Variants in RNF175 observed in about 807,000 individuals in gnomAD.
The protein encoded by RNF175 is ring finger protein 175.
A neutral mutation model predicts 50.0 loss-of-function variants in RNF175; 38 were observed. The observed-to-expected ratio is 0.76, with a 90% CI of 0.59 to 1.00. RNF175 has a LOEUF of 1.00. Ranked by LOEUF, RNF175 falls within the 50% of genes least tolerant of loss-of-function variation. The pLI, the probability that RNF175 is intolerant of heterozygous loss-of-function variation, is 0.00. For missense variants in RNF175, 388 were observed against 409.6 expected, an observed-to-expected ratio of 0.95 and a Z score of 0.46; for synonymous variants, 155 against 146.1, an observed-to-expected ratio of 1.06 and a Z score of -0.44.
chr4:153,741,013 G>GCAGCTCTTT (rs1361687974), intron 3 of RNF175, among the ~76,000 whole-genome samples: 1 of 152,186 alleles, frequency 6.6e-6, no homozygotes, highest in Non-Finnish European at 1.5e-5. Flanking sequence ...TCTAAGCCTT[G>GCAGCTCTTT]CAGCTCTTTC....
chr4:153,718,218 G>GTTTTTTTTTTTTTTTTTTTTTTT (rs1560770428), intron 6 of RNF175, among the ~76,000 whole-genome samples: 1 of 28,692 alleles, frequency 3.5e-5, no homozygotes, highest in African/African-American at 6.5e-5. Flanking sequence ...AGTTTTTTTT[G>GTTTTTTTTTTTTTTTTTTTTTTT]TTTGTTTGTT....
At chr4:153,746,642 G>T (rs2127153991) in intron 3 of RNF175, among the ~76,000 whole-genome samples, 1 of 152,358 alleles carries the variant, frequency 6.6e-6, no homozygotes. Flanking sequence ...GGCTGGAGTT[G>T]CATGCTGGTA....
At chr4:153,734,083 C>T (rs1283399421) in intron 3 of RNF175, among the ~76,000 whole-genome samples, 1 of 152,042 alleles carries the variant, frequency 6.6e-6, no homozygotes, top group Non-Finnish European at 1.5e-5. Flanking sequence ...ATGAATGTAC[C>T]ACAGTTTATT....
At chr4:153,733,531 G>A (rs1400896402) in intron 3 of RNF175, among the ~76,000 whole-genome samples, 1 of 152,190 alleles carries the variant, frequency 6.6e-6, no homozygotes, top group Admixed American at 6.5e-5. Flanking sequence ...ATTTTATCAA[G>A]TGGAATACAG....
At chr4:153,710,524 G>T (rs369632098) in intron 8 of RNF175, 35 bp from the exon 9 acceptor site, 251 of 1,594,502 alleles carry the variant, frequency 1.6e-4, no homozygotes, top group Non-Finnish European at 2.1e-4. Flanking sequence ...TCTATATACA[G>T]CCAAGTAGCA....
intron 1 of RNF175, among the ~76,000 whole-genome samples, chr4:153,757,512 T>A (rs974603962): frequency 6.6e-6 from 1 of 152,174 alleles, no homozygotes; most frequent in African/African-American, 2.4e-5. Flanking sequence ...GTGATGACCC[T>A]GGACCACATG....
At chr4:153,757,913 A>G (rs1183362579) in intron 1 of RNF175, among the ~76,000 whole-genome samples, 4 of 152,226 alleles carry the variant, frequency 2.6e-5, no homozygotes, top group African/African-American at 9.6e-5. Context: ...ACATCATAAG[A>G]TTGTACGTTA....
Position 153,710,452 on chromosome 4 carries a change from C to T in RNF175, c.904G>A (p.Asp302Asn). The T allele has an allele frequency of 6.2e-7, 1 of 1,604,388 alleles. No homozygotes were observed. Among genetic ancestry groups the T allele is most frequent in the Non-Finnish European group, 8.5e-7 (1 of 1,175,170 alleles). Reference sequence around the variant, plus strand: ...CAGGCCACCAAATAACGAAGCCAATCCAGGATTTGTCCATACAGAAAATGT... The same window carrying T: ...CAGGCCACCAAATAACGAAGCCAATTCAGGATTTGTCCATACAGAAAATGT... Reference protein sequence around the residue: ...RTHFLYGQILDWLRYLVAWQP... With the variant: ...RTHFLYGQILNWLRYLVAWQP... The change falls in exon 9 of 9, where the codon GAT becomes AAT. Residue 302 changes from aspartate (D) to asparagine (N), a missense_variant. By Grantham distance (23) the Asp-to-Asn change is conservative. Transcript: ENST00000347063.
chr4:153,737,565 GT>G (rs1387002434), intron 3 of RNF175, among the ~76,000 whole-genome samples: 1 of 151,990 alleles, frequency 6.6e-6, no homozygotes, highest in Non-Finnish European at 1.5e-5. Context: ...TTTGACCCAT[GT>G]GTTATTTAGT....
intron 3 of RNF175, among the ~76,000 whole-genome samples, chr4:153,746,883 A>G (rs529611589): frequency 5.2e-4 from 79 of 152,380 alleles, no homozygotes; most frequent in African/African-American, 1.9e-3. Context: ...ATGTGCCTAC[A>G]GAATTAGCAC....
chr4:153,740,291 C>A (rs1175402842), intron 3 of RNF175, among the ~76,000 whole-genome samples: 1 of 151,888 alleles, frequency 6.6e-6, no homozygotes. Context: ...AGCATATTAG[C>A]CATAATTATT....
At chr4:153,746,300 CTTT>C (rs1342752474) in intron 3 of RNF175, among the ~76,000 whole-genome samples, 1 of 152,254 alleles carries the variant, frequency 6.6e-6, no homozygotes, top group African/African-American at 2.4e-5. Flanking sequence ...GGATACTCTT[CTTT>C]GACTCCATGT....
intron 3 of RNF175, among the ~76,000 whole-genome samples, chr4:153,732,743 G>C (rs1739112047): frequency 6.6e-6 from 1 of 152,202 alleles, no homozygotes. Flanking sequence ...AGAAGGTGGA[G>C]AGGGTGATGT....
At chr4:153,729,063 G>A (rs1215188538) in intron 3 of RNF175, among the ~76,000 whole-genome samples, 1 of 152,212 alleles carries the variant, frequency 6.6e-6, no homozygotes, top group Non-Finnish European at 1.5e-5. Context: ...CTGTCTGTGG[G>A]TCACTGATGT....
intron 4 of RNF175, among the ~76,000 whole-genome samples, chr4:153,723,712 T>A (rs1000269083): frequency 6.6e-6 from 1 of 152,212 alleles, no homozygotes; most frequent in Non-Finnish European, 1.5e-5. Context: ...ACGTCCCTCA[T>A]GTGCTTCACT....
At chr4:153,733,607 A>G (rs1739168157) in intron 3 of RNF175, among the ~76,000 whole-genome samples, 1 of 152,170 alleles carries the variant, frequency 6.6e-6, no homozygotes, top group Non-Finnish European at 1.5e-5. Context: ...TTACTTAAAG[A>G]GGGGGCGATA....
chr4:153,748,840 G>A (rs779120123), intron 2 of RNF175, 54 bp from the exon 3 acceptor site: 8 of 1,315,654 alleles, frequency 6.1e-6, no homozygotes, highest in Admixed American at 2.8e-5. Flanking sequence ...TGCGCATTTA[G>A]CAAAAAAAAC....
At chr4:153,748,264 T>C (rs1740085076) in intron 3 of RNF175, 1 of 162,254 alleles carries the variant, frequency 6.2e-6, no homozygotes, top group Non-Finnish European at 1.3e-5. Context: ...GCAGAAGTTG[T>C]TCATGCATGA....
Position 153,710,483 on chromosome 4 carries a change from C to A in RNF175, c.873G>T (p.Glu291Asp), listed in dbSNP as rs757943437. ...TTTGTCCATACAGAAAATGTGTGCG[C>A]TCCCAGCTAAATCTCAGTTAAGGAG... is the stretch of plus-strand genomic sequence containing the variant. ...DLKRMISNPWERTHFLYGQIL... is the reference protein window; with the variant it reads ...DLKRMISNPWDRTHFLYGQIL... The change falls in exon 9 of 9, where the codon GAG (glutamate) becomes GAT (aspartate). Residue 291 changes from glutamate (E) to aspartate (D), a missense_variant. Coordinates refer to ENST00000347063, the MANE Select transcript of RNF175 (RefSeq NM_173662.4). 6.2e-7 allele frequency: 1 copy of A among 1,609,230 alleles called. No homozygotes were observed.
Sources: allele counts gnomAD v4.1 joint callset (sites outside exome capture counted in the v4.1 genomes callset), GRCh38; gene constraint gnomAD v4.1.1; transcripts MANE v1.5; gene names NCBI Gene and HGNC (gene_info 2026-07-23, HGNC 2026-07-21).